Variants in KIAA1958 observed in about 807,000 individuals in gnomAD.
KIAA1958 encodes the protein KIAA1958.
KIAA1958 carries 14 observed loss-of-function variants against 47.2 expected under a neutral mutation model. That is an observed-to-expected ratio of 0.30 (90% CI 0.20 to 0.46). KIAA1958 has a LOEUF of 0.46. KIAA1958 is among the 20% of genes least tolerant of loss of function. The pLI is 1.00. For missense variants in KIAA1958, 803 were observed against 909.2 expected (o/e 0.88, Z 1.50); for synonymous variants, 354 against 353.3 (o/e 1.00, Z -0.02).
chr9:112,612,746 G>C (rs577783987), intron 2 of KIAA1958, among the ~76,000 whole-genome samples: 5 of 152,238 alleles, frequency 3.3e-5, no homozygotes, highest in South Asian at 2.1e-4. Context: ...CAATATAGCA[G>C]TTCCACTTTT....
chr9:112,582,369 T>G (rs2131181951), intron 2 of KIAA1958: 1 of 152,284 alleles, frequency 6.6e-6, no homozygotes, highest in South Asian at 2.1e-4. Flanking sequence ...ATACACCTAC[T>G]ATGTACCCAC....
At chr9:112,553,956 C>T (rs1801470661) in intron 1 of KIAA1958, among the ~76,000 whole-genome samples, 3 of 152,156 alleles carry the variant, frequency 2.0e-5, no homozygotes, top group African/African-American at 7.2e-5. Flanking sequence ...TATAATTTCA[C>T]CTCTAAAACT....
chr9:112,499,022 C>T (rs1834091379), intron 1 of KIAA1958, among the ~76,000 whole-genome samples: 1 of 152,190 alleles, frequency 6.6e-6, no homozygotes, highest in South Asian at 2.1e-4. Context: ...ACTTATTTTG[C>T]TTAGCATGAT....
intron 2 of KIAA1958, among the ~76,000 whole-genome samples, chr9:112,603,554 A>T (rs1366386779): frequency 1.3e-5 from 2 of 152,184 alleles, no homozygotes; most frequent in African/African-American, 4.8e-5. Flanking sequence ...CACACAGCTT[A>T]AGCTCTATTT....
chr9:112,652,597 T>C (rs1295601601), intron 3 of KIAA1958, among the ~76,000 whole-genome samples: 1 of 152,224 alleles, frequency 6.6e-6, no homozygotes, highest in East Asian at 1.9e-4. Context: ...GGTTAATTCG[T>C]TGGTTTAACC....
intron 1 of KIAA1958, among the ~76,000 whole-genome samples, chr9:112,499,368 T>G (rs1415713695): frequency 6.6e-6 from 1 of 152,218 alleles, no homozygotes; most frequent in African/African-American, 2.4e-5. Context: ...CCTTTGAAGA[T>G]TTCCATGAAA....
intron 2 of KIAA1958, among the ~76,000 whole-genome samples, chr9:112,597,377 A>G (rs142918774): frequency 1.3e-5 from 2 of 152,332 alleles, no homozygotes; most frequent in East Asian, 3.9e-4. Context: ...TAAGTCACAG[A>G]AAGATTAGAG....
intron 1 of KIAA1958, among the ~76,000 whole-genome samples, chr9:112,519,330 CA>C (rs1834497244): frequency 6.6e-6 from 1 of 152,086 alleles, no homozygotes. Context: ...AGCTTGAAGA[CA>C]AATTGGATGT....
At chr9:112,553,052 C>T (rs1835182682) in intron 1 of KIAA1958, among the ~76,000 whole-genome samples, 1 of 151,782 alleles carries the variant, frequency 6.6e-6, no homozygotes, top group African/African-American at 2.4e-5. Context: ...TGATTCCTTC[C>T]CCCATCCTCT....
intron 1 of KIAA1958, among the ~76,000 whole-genome samples, chr9:112,548,679 A>G (rs543217894): frequency 6.6e-6 from 1 of 152,222 alleles, no homozygotes; most frequent in Non-Finnish European, 1.5e-5. Flanking sequence ...GCCTTGGCAT[A>G]GTATTTGCTA....
chr9:112,592,285 C>T (rs1835938117), intron 2 of KIAA1958, among the ~76,000 whole-genome samples: 1 of 152,272 alleles, frequency 6.6e-6, no homozygotes, highest in East Asian at 1.9e-4. Context: ...AGGGAGATTG[C>T]CTGAGCCCGG....
At chr9:112,598,820 TA>T (rs1377492888) in intron 2 of KIAA1958, among the ~76,000 whole-genome samples, 1 of 152,148 alleles carries the variant, frequency 6.6e-6, no homozygotes, top group Non-Finnish European at 1.5e-5. Context: ...CCTGTAATCC[TA>T]GCACTTTGAC....
Position 112,509,235 on chromosome 9 carries a change from C to T in KIAA1958, c.-25+22117C>T, listed in dbSNP as rs146531613. Among the ~76,000 whole-genome samples the T allele has an allele frequency of 1.3e-3, 159 of 124,590 alleles. 4 individuals carry two copies. In the East Asian group the frequency reaches 0.033, roughly 26 times the overall value. 81.7% of individuals were successfully genotyped at this position (124,590 alleles called of 152,430 possible). A position where few individuals can be genotyped will look rare whatever the true frequency, so the allele number is the denominator to read the frequency against. ...TTTTTTTTTTTGAGACGGAGTCTTG[C>T]TGTGTCGCCTAGGCTGTAGTGTGCA... On this transcript the variant is annotated intron_variant, in intron 1 of 3. Transcript: ENST00000337530.
At chr9:112,600,113 C>A (rs1278080292) in intron 2 of KIAA1958, among the ~76,000 whole-genome samples, 2 of 152,172 alleles carry the variant, frequency 1.3e-5, no homozygotes, top group Non-Finnish European at 2.9e-5. Context: ...AATATTTATT[C>A]TCTTGTTCTA....
At chr9:112,542,246 A>T (rs1338518352) in intron 1 of KIAA1958, among the ~76,000 whole-genome samples, 2 of 152,170 alleles carry the variant, frequency 1.3e-5, no homozygotes, top group East Asian at 3.9e-4. Flanking sequence ...ATTTTAAACC[A>T]GGTTTAAAAT....
intron 1 of KIAA1958, among the ~76,000 whole-genome samples, chr9:112,522,616 G>A (rs762297695): frequency 1.3e-5 from 2 of 152,124 alleles, no homozygotes; most frequent in African/African-American, 2.4e-5. Context: ...CATTCTCATT[G>A]CTTGCTTTGA....
At position 112,563,752 on chromosome 9, in the gene KIAA1958, G is replaced by T. The variant is rs781024046; in HGVS notation, c.-24-10305G>T. Among the ~76,000 whole-genome samples the T allele has an allele frequency of 1.0e-3, 154 of 151,672 alleles. 1 individual carries two copies. Among genetic ancestry groups the T allele is most frequent in the Middle Eastern group, 3.4e-3 (1 of 292 alleles). On this transcript the variant is annotated intron_variant, in intron 1 of 3. Transcript: ENST00000337530. ...CCCGACTATATTATTTCAGTGCTAG[G>T]ACCTCTAGTACAATGTTGAATAAGA...
chr9:112,516,815 C>A (rs7023600), intron 1 of KIAA1958, among the ~76,000 whole-genome samples: 22 of 152,236 alleles, frequency 1.4e-4, no homozygotes, highest in Admixed American at 9.8e-4. Flanking sequence ...AATGATTTAC[C>A]AATTGGGCAG....
chr9:112,640,936 G>A (rs1254738432), intron 2 of KIAA1958, among the ~76,000 whole-genome samples: 1 of 151,768 alleles, frequency 6.6e-6, no homozygotes, highest in Non-Finnish European at 1.5e-5. Flanking sequence ...TGCAGGTGTT[G>A]GATTTTTGGT....
Sources: allele counts gnomAD v4.1 joint callset (sites outside exome capture counted in the v4.1 genomes callset), GRCh38; gene constraint gnomAD v4.1.1; transcripts MANE v1.5; gene names NCBI Gene and HGNC (gene_info 2026-07-23, HGNC 2026-07-21).